Variants in ARMH4 observed in about 807,000 individuals in gnomAD.
ARMH4 encodes the protein armadillo like helical domain containing 4, also known as armadillo-like helical domain-containing protein 4.
Under a neutral mutation model 61.9 loss-of-function variants are expected in ARMH4, and 49 were observed. The observed-to-expected ratio is 0.79, with a 90% confidence interval of 0.63 to 1.00. The LOEUF is 1.00. Ranked by LOEUF, ARMH4 falls within the 50% of genes least tolerant of loss-of-function variation. The pLI is 0.00. For missense variants in ARMH4, 934 were observed against 930.0 expected (o/e 1.00, Z -0.06); for synonymous variants, 368 against 341.5 (o/e 1.08, Z -0.85).
At chr14:58,072,236 G>T (rs935972692) in intron 5 of ARMH4, among the ~76,000 whole-genome samples, 1 of 152,176 alleles carries the variant, frequency 6.6e-6, no homozygotes, top group Non-Finnish European at 1.5e-5. Context: ...TGAATGGATA[G>T]ATGGATTGCA....
intron 5 of ARMH4, among the ~76,000 whole-genome samples, chr14:58,084,695 A>C (rs1240893032): frequency 6.6e-6 from 1 of 152,170 alleles, no homozygotes; most frequent in Non-Finnish European, 1.5e-5. Flanking sequence ...GGAAGGTGTA[A>C]ATCAACATCC....
intron 6 of ARMH4, among the ~76,000 whole-genome samples, chr14:58,009,200 A>T (rs79544160): frequency 0.019 from 2,853 of 152,320 alleles, 93 homozygotes; most frequent in African/African-American, 0.063. Context: ...TTCACCAAGA[A>T]GATGATATGT....
At chr14:58,042,506 T>C (rs113728466) in intron 5 of ARMH4, among the ~76,000 whole-genome samples, 1 of 151,858 alleles carries the variant, frequency 6.6e-6, no homozygotes, top group Non-Finnish European at 1.5e-5. Context: ...AGGAAAGATC[T>C]AAAATTGACA....
intron 1 of ARMH4, among the ~76,000 whole-genome samples, chr14:58,143,582 G>T (rs1177438883): frequency 6.6e-6 from 1 of 151,784 alleles, no homozygotes; most frequent in African/African-American, 2.4e-5. Flanking sequence ...TCCTGCCTCA[G>T]CCTCCCAAAT....
intron 5 of ARMH4, among the ~76,000 whole-genome samples, chr14:58,034,228 AAG>A (rs1309556454): frequency 7.4e-6 from 1 of 135,624 alleles, no homozygotes; most frequent in African/African-American, 2.8e-5. Flanking sequence ...TACAAGCCAG[AAG>A]AGAGTGGGGG....
At chr14:58,004,967 C>A (rs557491076) in intron 7 of ARMH4, 81 bp downstream of exon 7, 8 of 1,585,682 alleles carry the variant, frequency 5.0e-6, no homozygotes, top group South Asian at 3.4e-5. Flanking sequence ...CATCATTAAA[C>A]CCCGTGTGCT....
chr14:58,131,343 C>A, intron 4 of ARMH4, 169 bp downstream of exon 4: 1 of 540,558 alleles, frequency 1.8e-6, no homozygotes, highest in Non-Finnish European at 3.3e-6. Flanking sequence ...TCTTAGCTTA[C>A]AAACCATTCA....
At chr14:58,005,328 A>G in intron 6 of ARMH4, 146 bp from the exon 7 acceptor site, 1 of 1,019,532 alleles carries the variant, frequency 9.8e-7, no homozygotes, top group South Asian at 1.7e-5. Context: ...CCTAAAATAC[A>G]GTAACTTTTT....
chr14:58,006,187 G>A (rs1882163666), intron 6 of ARMH4, among the ~76,000 whole-genome samples: 1 of 152,098 alleles, frequency 6.6e-6, no homozygotes, highest in African/African-American at 2.4e-5. Flanking sequence ...GGCTAACAGG[G>A]TATGTACTAA....
intron 6 of ARMH4, among the ~76,000 whole-genome samples, chr14:58,007,258 G>A (rs980828285): frequency 2.0e-5 from 3 of 152,028 alleles, no homozygotes; most frequent in East Asian, 1.9e-4. Context: ...CAACAACATC[G>A]GTACTCTCAA....
Position 58,138,603 on chromosome 14 carries a change from A to C in ARMH4, c.756T>G (p.Pro252=), listed in dbSNP as rs746403658. 1 of 1,614,214 alleles carries C rather than the reference A, an allele frequency of 6.2e-7. No homozygotes were observed. Among genetic ancestry groups the C allele is most frequent in the Non-Finnish European group, 8.5e-7 (1 of 1,180,026 alleles). Residue 252 remains proline (P), a synonymous_variant, in exon 2 of 8, where the codon CCT becomes CCG. Coordinates refer to ENST00000267485, the MANE Select transcript of ARMH4 (RefSeq NM_001001872.4). ...TCATCTGCGAAGGCTTCTCCTTATC[A>C]GGGGTGAGGCTTCCAGGCTCACTGC... is the stretch of plus-strand genomic sequence containing the variant. ...TAGSEPGSLT[P]DKEKPSQMTA...
At chr14:58,083,823 C>G (rs1353011967) in intron 5 of ARMH4, among the ~76,000 whole-genome samples, 1 of 152,204 alleles carries the variant, frequency 6.6e-6, no homozygotes. Flanking sequence ...TTCATTTCAA[C>G]AATTTTTGAC....
chr14:58,140,219 G>C (rs896910852), intron 1 of ARMH4, among the ~76,000 whole-genome samples: 2 of 148,512 alleles, frequency 1.3e-5, no homozygotes, highest in Admixed American at 1.4e-4. Flanking sequence ...AGGATGCAGT[G>C]AGCTGAGATC....
chr14:58,132,468 C>T (rs1887141922), intron 3 of ARMH4, among the ~76,000 whole-genome samples: 1 of 152,152 alleles, frequency 6.6e-6, no homozygotes, highest in Middle Eastern at 3.4e-3. Context: ...TCATCCCCCC[C>T]GGCTCCTAGC....
intron 4 of ARMH4, among the ~76,000 whole-genome samples, chr14:58,115,140 A>C (rs528863247): frequency 1.1e-4 from 17 of 152,152 alleles, no homozygotes; most frequent in African/African-American, 3.8e-4. Context: ...GAAACTATCA[A>C]GGGGGTAAAC....
intron 5 of ARMH4, among the ~76,000 whole-genome samples, chr14:58,092,941 T>A (rs1594752133): frequency 6.6e-6 from 1 of 151,818 alleles, no homozygotes; most frequent in East Asian, 1.9e-4. Context: ...CCAACCCAAA[T>A]CTCATCTTGA....
chr14:58,150,232 A>C lies in ARMH4; in HGVS notation c.-57+1843T>G, dbSNP rs115132677. ...ACTAGCTTCAGATACTTCTCTTATA[A>C]TCACCAAGTAAACACAATATGGAAA... On this transcript the variant is annotated intron_variant, in intron 1 of 7. Transcript: ENST00000267485. Among the ~76,000 whole-genome samples the C allele has an allele frequency of 8.5e-3, 1,293 of 152,354 alleles. 22 individuals carry two copies. Among genetic ancestry groups the C allele is most frequent in the African/African-American group, 0.029 (1,224 of 41,582 alleles).
intron 4 of ARMH4, among the ~76,000 whole-genome samples, chr14:58,109,272 C>T (rs1279178838): frequency 1.3e-5 from 2 of 152,120 alleles, no homozygotes; most frequent in Non-Finnish European, 2.9e-5. Flanking sequence ...TAAGGTTTGC[C>T]TATTACATCT....
intron 4 of ARMH4, 100 bp downstream of exon 4, chr14:58,131,412 T>A: frequency 1.0e-6 from 1 of 955,444 alleles, no homozygotes; most frequent in Non-Finnish European, 1.6e-6. Flanking sequence ...TGATCTATAC[T>A]GCAGATTGAA....
Sources: allele counts gnomAD v4.1 joint callset (sites outside exome capture counted in the v4.1 genomes callset), GRCh38; gene constraint gnomAD v4.1.1; transcripts MANE v1.5; gene names NCBI Gene and HGNC (gene_info 2026-07-23, HGNC 2026-07-21).